Variants in ITPR3 observed in about 807,000 individuals in gnomAD.
ITPR3 encodes inositol 1,4,5-trisphosphate-gated calcium channel ITPR3.
A neutral mutation model predicts 293.2 loss-of-function variants in ITPR3; 173 were observed. The ratio of observed to expected loss-of-function variants is 0.59; its 90% CI spans 0.52 to 0.67. ITPR3 has a LOEUF of 0.67. ITPR3 is among the 30% of genes least tolerant of loss of function. The probability of loss-of-function intolerance (pLI) is 0.00; values close to 1 mark genes in which losing one functional copy is unlikely to be tolerated. For synonymous variants in ITPR3, 1,295 were observed against 1,444.4 expected (o/e 0.90, Z 2.35); for missense variants, 2,796 against 3,592.1 (o/e 0.78, Z 5.66).
In ITPR3 at chr6:33,670,995, C is replaced by T. The variant is rs560277086; in HGVS notation, c.2587-170C>T. The T allele has an allele frequency of 2.0e-4, 160 of 807,904 alleles. 1 individual carries two copies. In the African/African-American group the frequency reaches 2.5e-3, roughly 13 times the overall value. The allele number at this position is 807,904 out of a possible 1,614,324, so 50.0% of individuals were successfully genotyped here. On this transcript the variant is annotated intron_variant, in intron 20 of 57. Transcript: ENST00000605930. This position sits in a 1 kb window ranked among gnomAD's most constrained non-coding sequence, Gnocchi z 6.7. ...ATTCTCCAAGAGGCAGGCTCCTGTTCCAATGCCTGGGAAAGGGCTGCCTCT... is the reference window on the plus strand; with the variant it reads ...ATTCTCCAAGAGGCAGGCTCCTGTTTCAATGCCTGGGAAAGGGCTGCCTCT...
rs1313047388 is a variant in ITPR3, at chr6:33,670,739, T to C, written c.2510T>C (p.Val837Ala). 1 of 1,614,034 alleles carries C rather than the reference T, an allele frequency of 6.2e-7. No homozygotes were observed. Among genetic ancestry groups the C allele is most frequent in the Non-Finnish European group, 8.5e-7 (1 of 1,179,974 alleles). Reference sequence around the variant, plus strand: ...AAGTTTGCCAACACCATGGAGTTCGTGGAGGACTACCTCAACAATGTAGTC... The same window carrying C: ...AAGTTTGCCAACACCATGGAGTTCGCGGAGGACTACCTCAACAATGTAGTC... ...KNKFANTMEF[V>A]EDYLNNVVSE... is the part of the protein sequence containing the mutation. Residue 837 changes from valine to alanine, a missense_variant, in exon 20 of 58, where the codon GTG (valine) becomes GCG (alanine). Around this residue, in one of 8 missense-constraint regions of ITPR3, gnomAD observed 955 missense variants for 1,180.8 expected, o/e 0.81. Transcript: ENST00000605930. The surrounding 1 kb of genome is among the most constrained non-coding windows in gnomAD (Gnocchi z 6.7).
At position 33,679,449 on chromosome 6, in the gene ITPR3, A is replaced by G. The variant is rs913923172; in HGVS notation, c.3973-433A>G. 6.6e-6 allele frequency among the ~76,000 whole-genome samples: 1 copy of G among 152,216 alleles called. No homozygotes were observed. Among genetic ancestry groups the G allele is most frequent in the Non-Finnish European group, 1.5e-5 (1 of 68,044 alleles). On this transcript the variant is annotated intron_variant, in intron 30 of 57. Coordinates refer to ENST00000605930, the MANE Select transcript of ITPR3 (RefSeq NM_002224.4). The surrounding 1 kb of genome is among the most constrained non-coding windows in gnomAD (Gnocchi z 4.2). ...CATAAACAAGACATGATGTGCTGGA[A>G]CTGCTGTACAGTGTTAGTTTTATTA... is the stretch of plus-strand genomic sequence containing the variant.
At chr6:33,629,590 C>T (rs1763626264) in intron 1 of ITPR3, among the ~76,000 whole-genome samples, 1 of 151,880 alleles carries the variant, frequency 6.6e-6, no homozygotes. Flanking sequence ...GAGTGATTCT[C>T]CTGCCTCAGC....
Position 33,683,076 on chromosome 6 carries a change from G to C in ITPR3, c.4598-131G>C. The stretch of plus-strand genomic sequence containing the variant: ...GTCCCTCAAGCATAGGCCGGGGTGG[G>C]GGGGGTCTCTGTCTCCCAGACCCTT... On this transcript the variant is annotated intron_variant, in intron 34 of 57. Coordinates refer to ENST00000605930, the MANE Select transcript of ITPR3 (RefSeq NM_002224.4). This position sits in a 1 kb window ranked among gnomAD's most constrained non-coding sequence, Gnocchi z 4.5. 2 of 627,108 alleles carry C rather than the reference G, an allele frequency of 3.2e-6. No homozygotes were observed. The allele number at this position is 627,108 out of a possible 1,614,324, so 38.8% of individuals were successfully genotyped here. A position where few individuals can be genotyped will look rare whatever the true frequency, so the allele number is the denominator to read the frequency against.
Position 33,691,587 on chromosome 6 carries a change from C to A in ITPR3, c.7226-28C>A. 1 of 1,594,060 alleles carries A rather than the reference C, an allele frequency of 6.3e-7. No homozygotes were observed. The highest frequency in any genetic ancestry group is 1.7e-4 in the Middle Eastern group (1 of 6,012). The stretch of plus-strand genomic sequence containing the variant: ...GGGATAAGGCCAGGCACTGGACCTC[C>A]TGATGATCTCATCCATATCCCCTCC... On this transcript the variant is annotated intron_variant, in intron 52 of 57. Coordinates refer to ENST00000605930, the MANE Select transcript of ITPR3 (RefSeq NM_002224.4). The surrounding 1 kb of genome is among the most constrained non-coding windows in gnomAD (Gnocchi z 4.9).
intron 1 of ITPR3, among the ~76,000 whole-genome samples, chr6:33,623,316 T>A (rs1338577211): frequency 8.2e-6 from 1 of 122,680 alleles, no homozygotes; most frequent in Non-Finnish European, 1.6e-5. Context: ...TTCAAGTGCC[T>A]GTGAGTTTTG....
In ITPR3 at chr6:33,667,078, G is replaced by A. The variant is rs754475515; in HGVS notation, c.1552-51G>A. ...AGGGATGACTCCTGGGATGACTTAGGGGTACAGACAGGTGTTGGGGAATCA... is the reference window on the plus strand; with the variant it reads ...AGGGATGACTCCTGGGATGACTTAGAGGTACAGACAGGTGTTGGGGAATCA... On this transcript the variant is annotated intron_variant, in intron 14 of 57. Coordinates refer to ENST00000605930, the MANE Select transcript of ITPR3 (RefSeq NM_002224.4). This position sits in a 1 kb window ranked among gnomAD's most constrained non-coding sequence, Gnocchi z 4.4. The A allele has an allele frequency of 5.0e-5, 79 of 1,591,260 alleles. No individual in the cohort carries two copies. Among genetic ancestry groups the A allele is most frequent in the Non-Finnish European group, 6.7e-5 (78 of 1,165,752 alleles).
Position 33,621,732 on chromosome 6 carries a change from G to T in ITPR3, c.89+41G>T. ...TCGAGAGGGGCGCGGGTAAAGAGGG[G>T]GCGCCGTGGGCCCTGGTGCCAGCTG... On this transcript the variant is annotated intron_variant, in intron 1 of 57. Coordinates refer to ENST00000605930, the MANE Select transcript of ITPR3 (RefSeq NM_002224.4). This position sits in a 1 kb window ranked among gnomAD's most constrained non-coding sequence, Gnocchi z 7.7. 6.8e-7 allele frequency: 1 copy of T among 1,473,664 alleles called. No individual in the cohort carries two copies. The highest frequency in any genetic ancestry group is 2.4e-5 in the East Asian group (1 of 41,600). 91.3% of individuals were successfully genotyped at this position (1,473,664 alleles called of 1,614,324 possible). A position where few individuals can be genotyped will look rare whatever the true frequency, so the allele number is the denominator to read the frequency against.
At position 33,689,328 on chromosome 6, in the gene ITPR3, G is replaced by C; in HGVS notation, c.6785G>C (p.Arg2262Pro). The C allele has an allele frequency of 6.2e-7, 1 of 1,612,652 alleles. No individual in the cohort carries two copies. The highest frequency in any genetic ancestry group is 8.5e-7 in the Non-Finnish European group (1 of 1,180,014). ...AALFTKRYSI[R>P]PLIVALILRS... ...CTGTTCACCAAGCGCTACAGCATCCGCCCCCTCATCGTGGCGCTCATCCTG... is the reference window on the plus strand; with the variant it reads ...CTGTTCACCAAGCGCTACAGCATCCCCCCCCTCATCGTGGCGCTCATCCTG... Residue 2262 changes from arginine (R) to proline (P), a missense_variant, in exon 50 of 58, where the codon CGC (arginine) becomes CCC (proline). Arg to Pro is a moderately radical substitution (Grantham distance 103, BLOSUM62 -2). Transcript: ENST00000605930.
In ITPR3 at chr6:33,686,588, G is replaced by A. The variant is rs1392322888; in HGVS notation, c.5979+69G>A. 2.0e-5 allele frequency: 24 copies of A among 1,178,470 alleles called. No homozygotes were observed. The Middle Eastern group carries it at 7.7e-4, about 38-fold the overall frequency. The allele number at this position is 1,178,470 out of a possible 1,614,324, so 73.0% of individuals were successfully genotyped here. A position where few individuals can be genotyped will look rare whatever the true frequency, so the allele number is the denominator to read the frequency against. On this transcript the variant is annotated intron_variant, in intron 43 of 57. Coordinates refer to ENST00000605930, the MANE Select transcript of ITPR3 (RefSeq NM_002224.4). The stretch of plus-strand genomic sequence containing the variant: ...ATGTGCATGCATGTATGTGTGACTT[G>A]TGTGTCAAGTGTACATAGTGGTGTG...
Position 33,684,073 on chromosome 6 carries a change from G to T in ITPR3, c.4842G>T (p.Leu1614=). 6.2e-7 allele frequency: 1 copy of T among 1,611,632 alleles called. No homozygotes were observed. Residue 1614 remains leucine (L), a synonymous_variant, in exon 36 of 58, where the codon CTG becomes CTT. Coordinates refer to ENST00000605930, the MANE Select transcript of ITPR3 (RefSeq NM_002224.4). This position sits in a 1 kb window ranked among gnomAD's most constrained non-coding sequence, Gnocchi z 4.2. ...ERLKPLVQAE[L]SVLVDVLHWP... is the part of the protein sequence containing the mutation. ...TGAAGCCCCTGGTACAGGCTGAGCTGTCCGTGCTGGTGGATGTCCTGCACT... is the reference window on the plus strand; with the variant it reads ...TGAAGCCCCTGGTACAGGCTGAGCTTTCCGTGCTGGTGGATGTCCTGCACT...
rs376549338 is a variant in ITPR3, at chr6:33,665,050, C to T, written c.1249-3C>T. 9 of 1,613,618 alleles carry T rather than the reference C, an allele frequency of 5.6e-6. No individual in the cohort carries two copies. In the African/African-American group the frequency reaches 9.3e-5, roughly 17 times the overall value. ...GGTGCCCTGCTGACCCCTGTCTCTG[C>T]AGCTGGGCACCTGCCCCACCAAGGA... On this transcript the variant is annotated splice_polypyrimidine_tract_variant and splice_region_variant and intron_variant, in intron 12 of 57. Coordinates refer to ENST00000605930, the MANE Select transcript of ITPR3 (RefSeq NM_002224.4).
chr6:33,659,343 A>G (rs1321952017), intron 6 of ITPR3, 123 bp from the exon 7 acceptor site: 7 of 964,964 alleles, frequency 7.3e-6, no homozygotes, highest in African/African-American at 4.8e-5. Flanking sequence ...GACCCTGGCT[A>G]GGAGAAGACA....
Position 33,687,538 on chromosome 6 carries a change from G to T in ITPR3, c.6238G>T (p.Glu2080Ter), listed in dbSNP as rs1342342467. 6.2e-7 allele frequency: 1 copy of T among 1,612,062 alleles called. No individual in the cohort carries two copies. The highest frequency in any genetic ancestry group is 1.7e-5 in the Admixed American group (1 of 59,900). The change falls in exon 46 of 58, where the codon GAG becomes TAG. Residue 2080 changes from glutamate to a stop codon, truncating the protein, a stop_gained. Coordinates refer to ENST00000605930, the MANE Select transcript of ITPR3 (RefSeq NM_002224.4). LOFTEE classifies it high-confidence loss of function. This position sits in a 1 kb window ranked among gnomAD's most constrained non-coding sequence, Gnocchi z 5.3. ...GAAGCCGGTGAAGCGCATTCAAGAG[G>T]AGGAGGCCGAGGGTATCTCTTCCAT... is the stretch of plus-strand genomic sequence containing the variant. ...LLKPVKRIQE[E>*]EAEGISSMLS...
In ITPR3 at chr6:33,694,136, C is replaced by T. The variant is rs532185015; in HGVS notation, c.7785+431C>T. ...CGCTCTCAGGGAGTGTTTTCTAGCT[C>T]GGTGGGAAGGCAGGCTGCTTCCTAA... On this transcript the variant is annotated intron_variant, in intron 56 of 57. Transcript: ENST00000605930. Among the ~76,000 whole-genome samples the T allele has an allele frequency of 9.9e-5, 15 of 152,218 alleles. No homozygotes were observed. The South Asian group carries it at 1.7e-3, about 17-fold the overall frequency.
Position 33,687,083 on chromosome 6 carries a change from C to G in ITPR3, c.6054C>G (p.Ile2018Met). 1 of 1,614,044 alleles carries G rather than the reference C, an allele frequency of 6.2e-7. No individual in the cohort carries two copies. Among genetic ancestry groups the G allele is most frequent in the Non-Finnish European group, 8.5e-7 (1 of 1,179,998 alleles). Reference protein sequence around the residue: ...HDSENAERILISLRPQELVDV... With the variant: ...HDSENAERILMSLRPQELVDV... ...GTGAAAATGCTGAGCGAATCCTCAT[C>G]AGCCTGCGGCCCCAGGAGCTGGTGA... The change falls in exon 44 of 58, where the codon ATC (isoleucine) becomes ATG (methionine). Residue 2018 changes from isoleucine (I) to methionine (M), a missense_variant. Ile to Met is a conservative substitution (Grantham distance 10, BLOSUM62 1). Transcript: ENST00000605930. The surrounding 1 kb of genome is among the most constrained non-coding windows in gnomAD (Gnocchi z 5.3).
rs933193398 is a variant in ITPR3 at position 33,666,305 on chromosome 6, A to G, written c.1551+329A>G. Among the ~76,000 whole-genome samples, 2 of 152,208 alleles carry G rather than the reference A, an allele frequency of 1.3e-5. No homozygotes were observed. Among genetic ancestry groups the G allele is most frequent in the Non-Finnish European group, 2.9e-5 (2 of 68,036 alleles). On this transcript the variant is annotated intron_variant, in intron 14 of 57. Coordinates refer to ENST00000605930, the MANE Select transcript of ITPR3 (RefSeq NM_002224.4). The surrounding 1 kb of genome is among the most constrained non-coding windows in gnomAD (Gnocchi z 5.1). Reference sequence around the variant, plus strand: ...GCTGTGCTTCAAAAAATTTTTTTAAAAATTTTTTTATTATGAGAATCATCA... The same window carrying G: ...GCTGTGCTTCAAAAAATTTTTTTAAGAATTTTTTTATTATGAGAATCATCA...
chr6:33,685,027 G>A, intron 39 of ITPR3, 84 bp downstream of exon 39: 3 of 1,454,092 alleles, frequency 2.1e-6, no homozygotes, highest in South Asian at 1.3e-5. Context: ...GGGCACTGAA[G>A]GCCGAGGAGG....
rs1379234698 is a variant in ITPR3, at chr6:33,633,793, G to C, written c.90-6691G>C. 1.4e-5 allele frequency among the ~76,000 whole-genome samples: 2 copies of C among 144,432 alleles called. No individual in the cohort carries two copies. Among genetic ancestry groups the C allele is most frequent in the Admixed American group, 6.8e-5 (1 of 14,644 alleles). The allele number at this position is 144,432 out of a possible 152,430, so 94.8% of individuals were successfully genotyped here. A position where few individuals can be genotyped will look rare whatever the true frequency, so the allele number is the denominator to read the frequency against. ...GGCCGGGGCCGGACGCCCGGAGCTC[G>C]CGGGCCGGGCCAGGCTGGGGGCGGG... On this transcript the variant is annotated intron_variant, in intron 1 of 57. Coordinates refer to ENST00000605930, the MANE Select transcript of ITPR3 (RefSeq NM_002224.4). This position sits in a 1 kb window ranked among gnomAD's most constrained non-coding sequence, Gnocchi z 5.2.
Sources: gnomAD v4.1 joint callset for allele counts (sites outside exome capture counted in the v4.1 genomes callset) on GRCh38, gnomAD v4.1.1 for gene constraint, gnomAD v4.1.1 regional missense constraint, Gnocchi (gnomAD v3.1) non-coding constraint, MANE v1.5 for transcripts, NCBI Gene and HGNC (gene_info 2026-07-23, HGNC 2026-07-21) for gene names.